CNNM2: variants seen among roughly 807,000 people sequenced by gnomAD.
CNNM2 encodes metal transporter CNNM2.
A neutral mutation model predicts 66.9 loss-of-function variants in CNNM2; 12 were observed. That is an observed-to-expected ratio of 0.18 (90% confidence interval 0.11 to 0.29). The LOEUF is 0.29. Among genes scored for constraint, CNNM2 ranks in the 10% least tolerant of loss-of-function variants. The probability of loss-of-function intolerance (pLI) is 1.00; values close to 1 mark genes in which losing one functional copy is unlikely to be tolerated. For missense variants in CNNM2, 705 were observed against 1,167.7 expected (o/e 0.60, Z 5.77); for synonymous variants, 557 against 501.8 (o/e 1.11, Z -1.47).
chr10:103,049,563 T>A, intron 1 of CNNM2, 144 bp from the exon 2 acceptor site: 2 of 766,474 alleles, frequency 2.6e-6, no homozygotes, highest in Non-Finnish European at 4.2e-6. Flanking sequence ...TTGTTTGTGA[T>A]GTCTCAGTAC....
rs10883826 is a variant in CNNM2 at position 103,071,062 on chromosome 10, A to G, written c.2168-712A>G. On this transcript the variant is annotated intron_variant, in intron 5 of 7. Transcript: ENST00000369878. Reference sequence around the variant, plus strand: ...GAGAGGCACAGTTAGTACAGATATCACAAGGTAAAGTTTCTGTTTATTGAT... The same window carrying G: ...GAGAGGCACAGTTAGTACAGATATCGCAAGGTAAAGTTTCTGTTTATTGAT... Among the ~76,000 whole-genome samples the G allele has an allele frequency of 0.4, 60,981 of 152,070 alleles. 12,398 individuals are homozygous for G. Among genetic ancestry groups the G allele is most frequent in the East Asian group, 0.49 (2,539 of 5,186 alleles).
At chr10:103,030,720 A>G (rs907260710) in intron 1 of CNNM2, among the ~76,000 whole-genome samples, 2 of 152,178 alleles carry the variant, frequency 1.3e-5, no homozygotes, top group African/African-American at 2.4e-5. Flanking sequence ...CAGGGGGGGA[A>G]GTCGATATTT....
rs954460492 is a variant in CNNM2, at chr10:103,088,035, T to TAATC, written c.*10857_*10860dup. On this transcript the variant is annotated 3_prime_UTR_variant, in exon 8 of 8. Coordinates refer to ENST00000369878, the MANE Select transcript of CNNM2 (RefSeq NM_017649.5). Reference sequence around the variant, plus strand: ...CCATGAATATAATCATGTTAGAACATAATCAGTTCTTGAATATTTATTTCC... The same window carrying TAATC: ...CCATGAATATAATCATGTTAGAACATAATCAATCAGTTCTTGAATATTTATTTCC... 8.7e-5 allele frequency: 13 copies of TAATC among 150,050 alleles called. No individual in the cohort carries two copies. The highest frequency in any genetic ancestry group is 2.7e-4 in the African/African-American group (11 of 41,282). The allele number at this position is 150,050 out of a possible 1,614,324, so 9.3% of individuals were successfully genotyped here.
At chr10:103,035,935 G>A (rs1001234190) in intron 1 of CNNM2, among the ~76,000 whole-genome samples, 4 of 152,126 alleles carry the variant, frequency 2.6e-5, no homozygotes, top group African/African-American at 9.7e-5. Context: ...TTCATGGATC[G>A]AATTCTCTGG....
At position 102,918,843 on chromosome 10, in the gene CNNM2, C is replaced by T. The variant is rs759523980; in HGVS notation, c.363C>T (p.Thr121=). The part of the protein sequence containing the change: ...NNETWSRIAF[T]EHERRRHSPG... ...AGACGTGGTCCCGCATCGCCTTCACCGAGCACGAGCGGCGGCGCCACAGCC... is the reference window on the plus strand; with the variant it reads ...AGACGTGGTCCCGCATCGCCTTCACTGAGCACGAGCGGCGGCGCCACAGCC... The change falls in exon 1 of 8, where the codon ACC becomes ACT. Residue 121 remains threonine (T), a synonymous_variant. Transcript: ENST00000369878. The surrounding 1 kb of genome is among the most constrained non-coding windows in gnomAD (Gnocchi z 4.1). The T allele has an allele frequency of 6.3e-7, 1 of 1,585,948 alleles. No individual in the cohort carries two copies. The highest frequency in any genetic ancestry group is 1.1e-5 in the South Asian group (1 of 87,910).
At chr10:102,973,134 C>T (rs778528578) in intron 1 of CNNM2, among the ~76,000 whole-genome samples, 2 of 149,634 alleles carry the variant, frequency 1.3e-5, no homozygotes, top group Middle Eastern at 3.4e-3. Flanking sequence ...TACATCAGTA[C>T]GGTTTTTTTT....
rs66498944 is a variant in CNNM2 at position 102,976,611 on chromosome 10, A to ATTTTTTTTTT, written c.1621+56529_1621+56538dup. ...CAGGTGTGCGCCACACGCCCAGGTAATTTTTTTTTTTTTTTTTTTTTTTTT... is the reference window on the plus strand; with the variant it reads ...CAGGTGTGCGCCACACGCCCAGGTAATTTTTTTTTTTTTTTTTTTTTTTTTTTTTTTTTTT... On this transcript the variant is annotated intron_variant, in intron 1 of 7. Transcript: ENST00000369878. Among the ~76,000 whole-genome samples the ATTTTTTTTTT allele has an allele frequency of 3.1e-3, 182 of 59,414 alleles. 10 individuals carry two copies. Among genetic ancestry groups the ATTTTTTTTTT allele is most frequent in the Non-Finnish European group, 3.5e-3 (115 of 32,924 alleles). The allele number at this position is 59,414 out of a possible 152,430, so 39.0% of individuals were successfully genotyped here.
chr10:103,012,472 C>G (rs201027155), intron 1 of CNNM2, among the ~76,000 whole-genome samples: 1 of 152,022 alleles, frequency 6.6e-6, no homozygotes, highest in East Asian at 1.9e-4. Context: ...ATGGTGAAAT[C>G]CTGATTCTAC....
Position 103,089,767 on chromosome 10 carries a change from TCTCA to T in CNNM2, c.*12590_*12593del. ...AGTGGGAAGAGGTTGGGAGGTTTAATCTCACTAATTGACCGTGTCAGCTGGTGCC... is the reference window on the plus strand; with the variant it reads ...AGTGGGAAGAGGTTGGGAGGTTTAATCTAATTGACCGTGTCAGCTGGTGCC... On this transcript the variant is annotated 3_prime_UTR_variant, in exon 8 of 8. Coordinates refer to ENST00000369878, the MANE Select transcript of CNNM2 (RefSeq NM_017649.5). 6.2e-7 allele frequency: 1 copy of T among 1,614,054 alleles called. No homozygotes were observed.
At chr10:102,924,839 ATGT>A (rs1211244588) in intron 1 of CNNM2, among the ~76,000 whole-genome samples, 1 of 152,014 alleles carries the variant, frequency 6.6e-6, no homozygotes, top group Non-Finnish European at 1.5e-5. Flanking sequence ...TGTTTTCATG[ATGT>A]TGTACATTTA....
intron 1 of CNNM2, among the ~76,000 whole-genome samples, chr10:102,972,438 C>T (rs2063560057): frequency 6.6e-6 from 1 of 152,024 alleles, no homozygotes; most frequent in Non-Finnish European, 1.5e-5. Context: ...AGATCAAGAC[C>T]ATCCTGGCTA....
chr10:103,017,405 T>A (rs1469598557), intron 1 of CNNM2, among the ~76,000 whole-genome samples: 1 of 152,106 alleles, frequency 6.6e-6, no homozygotes, highest in East Asian at 1.9e-4. Context: ...GGGAGCAGAC[T>A]AAGCAAATAA....
chr10:102,996,973 C>T (rs188817526), intron 1 of CNNM2, among the ~76,000 whole-genome samples: 12 of 152,344 alleles, frequency 7.9e-5, no homozygotes, highest in Admixed American at 5.2e-4. Flanking sequence ...GCTGACTGCT[C>T]TCTAGAGCTG....
chr10:103,068,473 C>G, intron 4 of CNNM2, 156 bp from the exon 5 acceptor site: 1 of 672,650 alleles, frequency 1.5e-6, no homozygotes, highest in Non-Finnish European at 2.7e-6. Flanking sequence ...AATGAGCCCC[C>G]TCCTCTCAGT....
intron 1 of CNNM2, among the ~76,000 whole-genome samples, chr10:102,940,752 C>T (rs754791564): frequency 1.3e-5 from 2 of 151,790 alleles, no homozygotes; most frequent in Admixed American, 6.6e-5. Flanking sequence ...GATGGAGTCT[C>T]GTTCTGTCAC....
At chr10:102,990,096 C>T (rs1295204595) in intron 1 of CNNM2, among the ~76,000 whole-genome samples, 1 of 151,926 alleles carries the variant, frequency 6.6e-6, no homozygotes, top group Non-Finnish European at 1.5e-5. Flanking sequence ...AGGCATGTGC[C>T]ACCACACCTG....
At chr10:103,072,440 A>G (rs1590506405) in intron 6 of CNNM2, among the ~76,000 whole-genome samples, 1 of 145,930 alleles carries the variant, frequency 6.9e-6, no homozygotes, top group South Asian at 2.2e-4. Flanking sequence ...CAGGCAGGCG[A>G]CCCCGCTTCT....
At chr10:103,004,992 T>C (rs920286945) in intron 1 of CNNM2, among the ~76,000 whole-genome samples, 1 of 152,190 alleles carries the variant, frequency 6.6e-6, no homozygotes, top group East Asian at 1.9e-4. Flanking sequence ...AATTTCTTTT[T>C]TTTTCCCCCC....
chr10:102,995,885 A>T (rs1444189800), intron 1 of CNNM2, among the ~76,000 whole-genome samples: 2 of 151,768 alleles, frequency 1.3e-5, no homozygotes, highest in Non-Finnish European at 2.9e-5. Flanking sequence ...TTTTTAGTAG[A>T]GATGGGGTTT....
Sources: allele counts gnomAD v4.1 joint callset (sites outside exome capture counted in the v4.1 genomes callset), GRCh38; gene constraint gnomAD v4.1.1; non-coding constraint Gnocchi (gnomAD v3.1); transcripts MANE v1.5; gene names NCBI Gene and HGNC (gene_info 2026-07-23, HGNC 2026-07-21).